The following MED13L variants were observed in gnomAD, a reference collection of about 807,000 sequenced individuals.
The protein encoded by MED13L is mediator complex subunit 13L.
MED13L carries 7 observed loss-of-function variants against 220.9 expected under a neutral mutation model. The observed-to-expected ratio is 0.03, with a 90% confidence interval of 0.02 to 0.06. The LOEUF is 0.06. Among genes scored for constraint, MED13L ranks in the 10% least tolerant of loss-of-function variants. The pLI is 1.00. For synonymous variants in MED13L, 1,011 were observed against 1,015.2 expected, an observed-to-expected ratio of 1.00 and a Z score of 0.08; for missense variants, 1,965 against 2,760.5, an observed-to-expected ratio of 0.71 and a Z score of 6.46.
At chr12:116,166,147 T>A (rs1438744535) in intron 2 of MED13L, among the ~76,000 whole-genome samples, 1 of 152,196 alleles carries the variant, frequency 6.6e-6, no homozygotes, top group Non-Finnish European at 1.5e-5. Flanking sequence ...GAGAATCACT[T>A]GAGGCCAGGA....
intron 8 of MED13L, 49 bp downstream of exon 8, chr12:116,015,060 A>G: frequency 1.3e-6 from 2 of 1,566,248 alleles, no homozygotes; most frequent in Non-Finnish European, 1.8e-6. Context: ...GGTAGCAATC[A>G]AGGAGATGGT....
At chr12:116,103,997 CTCT>C (rs1873322889) in intron 3 of MED13L, among the ~76,000 whole-genome samples, 3 of 103,246 alleles carry the variant, frequency 2.9e-5, no homozygotes, top group African/African-American at 1.1e-4. Flanking sequence ...AAGGACATTG[CTCT>C]TTTTTTTTTT....
chr12:116,027,608 T>G (rs1322190075), intron 4 of MED13L, among the ~76,000 whole-genome samples: 1 of 152,128 alleles, frequency 6.6e-6, no homozygotes. Flanking sequence ...CCTATCCTTA[T>G]GCAGCGCTGC....
intron 1 of MED13L, among the ~76,000 whole-genome samples, chr12:116,242,626 C>T (rs1870757121): frequency 6.6e-6 from 1 of 152,170 alleles, no homozygotes; most frequent in South Asian, 2.1e-4. Context: ...ATTTACCAAG[C>T]ATCTACTTAC....
intron 25 of MED13L, 165 bp from the exon 26 acceptor site, chr12:115,972,401 G>A (rs1378063142): frequency 3.9e-6 from 3 of 777,054 alleles, no homozygotes; most frequent in South Asian, 1.5e-5. Flanking sequence ...AATGTTACTC[G>A]ACTTCTATTA....
At chr12:116,157,841 G>A (rs1229190179) in intron 2 of MED13L, among the ~76,000 whole-genome samples, 1 of 152,158 alleles carries the variant, frequency 6.6e-6, no homozygotes, top group Non-Finnish European at 1.5e-5. Flanking sequence ...TAAAAGATAT[G>A]CTATCAATAC....
intron 28 of MED13L, among the ~76,000 whole-genome samples, chr12:115,968,053 T>TCCCC (rs57877420): frequency 4.9e-5 from 2 of 40,628 alleles, no homozygotes; most frequent in Admixed American, 3.3e-4. Context: ...GGAATAAAAG[T>TCCCC]CCCCCCCCCC....
At chr12:116,162,022 T>C (rs969623133) in intron 2 of MED13L, among the ~76,000 whole-genome samples, 2 of 152,144 alleles carry the variant, frequency 1.3e-5, no homozygotes, top group South Asian at 2.1e-4. Context: ...GAATACTCCA[T>C]ATGGGAATAA....
chr12:116,139,478 T>C (rs1216809529), intron 2 of MED13L, among the ~76,000 whole-genome samples: 1 of 152,178 alleles, frequency 6.6e-6, no homozygotes, highest in Non-Finnish European at 1.5e-5. Flanking sequence ...ATTGAAATGT[T>C]TTGTCACCTA....
chr12:116,059,960 A>G (rs1306806013), intron 4 of MED13L, among the ~76,000 whole-genome samples: 2 of 152,266 alleles, frequency 1.3e-5, no homozygotes, highest in African/African-American at 2.4e-5. Flanking sequence ...AAACAAAACA[A>G]ATCACTGTGA....
intron 23 of MED13L, among the ~76,000 whole-genome samples, chr12:115,976,308 ACAGAAT>A (rs1876934217): frequency 6.6e-6 from 1 of 152,276 alleles, no homozygotes. Context: ...GATATAGTTA[ACAGAAT>A]CAGAATATTA....
chr12:116,149,746 AAC>A (rs144600263), intron 2 of MED13L, among the ~76,000 whole-genome samples: 11,398 of 152,316 alleles, frequency 0.075, 453 homozygotes, highest in South Asian at 0.095. Flanking sequence ...CATGAATAAA[AAC>A]ACAGAAAATA....
At chr12:116,007,388 A>T in intron 11 of MED13L, 23 bp downstream of exon 11, 1,504 of 1,241,492 alleles carry the variant, frequency 1.2e-3, no homozygotes, top group Non-Finnish European at 1.6e-3. Context: ...ACCATGCTGG[A>T]CTCTCTCTCT....
intron 4 of MED13L, among the ~76,000 whole-genome samples, chr12:116,071,539 G>A (rs534815430): frequency 1.3e-5 from 2 of 152,280 alleles, no homozygotes; most frequent in East Asian, 3.9e-4. Flanking sequence ...TGATTCTCCT[G>A]CCTCAGCCTC....
At chr12:116,033,742 T>C (rs1178623603) in intron 4 of MED13L, among the ~76,000 whole-genome samples, 1 of 148,690 alleles carries the variant, frequency 6.7e-6, no homozygotes, top group Non-Finnish European at 1.5e-5. Context: ...AAAGTATGAA[T>C]CATGAGTGTG....
At chr12:116,001,046 A>G (rs1010207886) in intron 14 of MED13L, among the ~76,000 whole-genome samples, 1 of 152,200 alleles carries the variant, frequency 6.6e-6, no homozygotes, top group Admixed American at 6.5e-5. Flanking sequence ...TGTAAAAATA[A>G]TATTTTGGAT....
intron 1 of MED13L, among the ~76,000 whole-genome samples, chr12:116,248,971 A>G (rs541190854): frequency 6.6e-6 from 1 of 152,268 alleles, no homozygotes; most frequent in Non-Finnish European, 1.5e-5. Context: ...TGGGCCCTAC[A>G]AAGGCCAAGA....
intron 14 of MED13L, 72 bp downstream of exon 14, chr12:116,002,931 C>CT (rs1249315604): frequency 1.7e-6 from 2 of 1,198,398 alleles, no homozygotes; most frequent in African/African-American, 3.0e-5. Flanking sequence ...TAAAGCACCA[C>CT]TAAGTATGAG....
At chr12:116,019,036 A>C (rs541892290) in intron 7 of MED13L, among the ~76,000 whole-genome samples, 188 bp downstream of exon 7, 5 of 152,340 alleles carry the variant, frequency 3.3e-5, no homozygotes, top group African/African-American at 1.2e-4. Context: ...GGACAGAGTT[A>C]AAATTCTGAA....
Sources: gnomAD v4.1 joint callset for allele counts (sites outside exome capture counted in the v4.1 genomes callset) on GRCh38, gnomAD v4.1.1 for gene constraint, MANE v1.5 for transcripts, NCBI Gene and HGNC (gene_info 2026-07-23, HGNC 2026-07-21) for gene names.